The following ALCAM variants were observed in gnomAD, a reference collection of about 807,000 sequenced individuals.
ALCAM encodes CD166 antigen.
In ALCAM, 30 loss-of-function variants were observed where a neutral mutation model predicts 70.9. The ratio of observed to expected loss-of-function variants is 0.42; its 90% CI spans 0.32 to 0.57. The LOEUF (loss-of-function observed/expected upper bound fraction) is 0.57, where lower values mean the gene tolerates loss of function less well. Ranked by LOEUF, ALCAM falls within the 20% of genes least tolerant of loss-of-function variation. The probability of loss-of-function intolerance (pLI) is 0.11; values close to 1 mark genes in which losing one functional copy is unlikely to be tolerated. For synonymous variants in ALCAM, 249 were observed against 242.5 expected, an observed-to-expected ratio of 1.03 and a Z score of -0.25; for missense variants, 591 against 695.1, an observed-to-expected ratio of 0.85 and a Z score of 1.68.
At chr3:105,374,716 C>A (rs1935334333) in intron 1 of ALCAM, among the ~76,000 whole-genome samples, 1 of 152,026 alleles carries the variant, frequency 6.6e-6, no homozygotes, top group Non-Finnish European at 1.5e-5. Context: ...CTGGGTTTCA[C>A]CATGTTGGCC....
At chr3:105,526,297 A>C (rs1939704354) in intron 3 of ALCAM, among the ~76,000 whole-genome samples, 1 of 152,168 alleles carries the variant, frequency 6.6e-6, no homozygotes, top group South Asian at 2.1e-4. Context: ...AAAAAAAAAA[A>C]AAAAACATTA....
intron 1 of ALCAM, among the ~76,000 whole-genome samples, chr3:105,413,170 G>T (rs1936429512): frequency 6.6e-6 from 1 of 152,072 alleles, no homozygotes; most frequent in South Asian, 2.1e-4. Flanking sequence ...ACTGTAAAAT[G>T]TGAATAATGA....
rs142076302 is a variant in ALCAM, at chr3:105,369,219, GT to G, written c.73+1741del. ...CACCCCTGACACAGGCACATAACCA[GT>G]TTCCTTTTCGGTGCCGTCACAGGCG... On this transcript the variant is annotated intron_variant, in intron 1 of 15. Coordinates refer to ENST00000306107, the MANE Select transcript of ALCAM (RefSeq NM_001627.4). Among the ~76,000 whole-genome samples the G allele has an allele frequency of 1.7e-3, 256 of 152,280 alleles. 1 individual carries two copies. The highest frequency in any genetic ancestry group is 6.0e-3 in the African/African-American group (250 of 41,558).
chr3:105,566,068 T>A (rs1032956344), intron 14 of ALCAM, among the ~76,000 whole-genome samples: 1 of 152,224 alleles, frequency 6.6e-6, no homozygotes, highest in African/African-American at 2.4e-5. Flanking sequence ...TTGCTACCTG[T>A]TGTCCAATGA....
intron 1 of ALCAM, among the ~76,000 whole-genome samples, chr3:105,462,094 A>T (rs1381794695): frequency 6.6e-6 from 1 of 151,708 alleles, no homozygotes; most frequent in Non-Finnish European, 1.5e-5. Context: ...TCTAGAAGCA[A>T]ATGAGTATTA....
intron 2 of ALCAM, among the ~76,000 whole-genome samples, 198 bp from the exon 3 acceptor site, chr3:105,524,090 AT>A (rs1431459620): frequency 1.3e-5 from 2 of 151,984 alleles, no homozygotes; most frequent in South Asian, 2.1e-4. Context: ...CTACCCTTTC[AT>A]TTTTACTCAT....
At chr3:105,559,411 G>A (rs1428045746) in intron 14 of ALCAM, among the ~76,000 whole-genome samples, 1 of 151,504 alleles carries the variant, frequency 6.6e-6, no homozygotes, top group African/African-American at 2.4e-5. Flanking sequence ...CTGGAGACTG[G>A]GAATTTCAAG....
rs1940953663 is a variant in ALCAM, at chr3:105,575,914, G to T, written c.*1463G>T. The T allele has an allele frequency of 6.6e-6, 1 of 152,026 alleles. No individual in the cohort carries two copies. Among genetic ancestry groups the T allele is most frequent in the Non-Finnish European group, 1.5e-5 (1 of 67,982 alleles). The allele number at this position is 152,026 out of a possible 1,614,324, so 9.4% of individuals were successfully genotyped here. A position where few individuals can be genotyped will look rare whatever the true frequency, so the allele number is the denominator to read the frequency against. On this transcript the variant is annotated 3_prime_UTR_variant, in exon 16 of 16. Coordinates refer to ENST00000306107, the MANE Select transcript of ALCAM (RefSeq NM_001627.4). ...TGAAATAAAAAATTATGAAGGCAAT[G>T]AAAAATAAATTGAAAATTAAAGTCA...
intron 1 of ALCAM, among the ~76,000 whole-genome samples, chr3:105,494,527 G>A (rs762547357): frequency 6.6e-6 from 1 of 150,984 alleles, no homozygotes; most frequent in African/African-American, 2.4e-5. Flanking sequence ...GGAAAACAAA[G>A]TTGCTCCCTC....
rs1192787511 is a variant in ALCAM at position 105,456,341 on chromosome 3, C to G, written c.74-63726C>G. 3.9e-5 allele frequency among the ~76,000 whole-genome samples: 6 copies of G among 152,262 alleles called. No individual in the cohort carries two copies. In the South Asian group the frequency reaches 8.3e-4, roughly 21 times the overall value. ...CAGTTGCGGACTAAGCTCCACTGTC[C>G]TGCATCAGAATGGCTTCAAAAGTTA... On this transcript the variant is annotated intron_variant, in intron 1 of 15. Coordinates refer to ENST00000306107, the MANE Select transcript of ALCAM (RefSeq NM_001627.4).
intron 1 of ALCAM, among the ~76,000 whole-genome samples, chr3:105,395,986 T>A (rs978343290): frequency 6.6e-6 from 1 of 151,958 alleles, no homozygotes. Context: ...GGGTCAGGTG[T>A]CCATTTAGGA....
At position 105,372,278 on chromosome 3, in the gene ALCAM, A is replaced by G. The variant is rs191956692; in HGVS notation, c.73+4797A>G. Among the ~76,000 whole-genome samples, 296 of 152,206 alleles carry G rather than the reference A, an allele frequency of 1.9e-3. 2 individuals are homozygous for G. The highest frequency in any genetic ancestry group is 6.8e-3 in the African/African-American group (281 of 41,560). ...ATAGTGTCCCTATAGTACGTAAGTC[A>G]TTACCATATTTTTGGAGTTACTGAT... On this transcript the variant is annotated intron_variant, in intron 1 of 15. Coordinates refer to ENST00000306107, the MANE Select transcript of ALCAM (RefSeq NM_001627.4).
chr3:105,509,546 T>G (rs1281160055), intron 1 of ALCAM, among the ~76,000 whole-genome samples: 3 of 152,134 alleles, frequency 2.0e-5, no homozygotes, highest in African/African-American at 7.2e-5. Flanking sequence ...TGTGCCTGTT[T>G]TTTTTATCTG....
chr3:105,562,655 G>T (rs1408235339), intron 14 of ALCAM, among the ~76,000 whole-genome samples: 1 of 152,004 alleles, frequency 6.6e-6, no homozygotes, highest in African/African-American at 2.4e-5. Context: ...CTTATAAAAT[G>T]GATCAATAAA....
At chr3:105,501,801 T>C (rs1938928777) in intron 1 of ALCAM, among the ~76,000 whole-genome samples, 1 of 152,154 alleles carries the variant, frequency 6.6e-6, no homozygotes, top group African/African-American at 2.4e-5. Flanking sequence ...GAGAGTAGTA[T>C]TGGAAAGATA....
At chr3:105,536,518 T>A (rs971484453) in intron 6 of ALCAM, among the ~76,000 whole-genome samples, 7 of 152,272 alleles carry the variant, frequency 4.6e-5, no homozygotes, top group African/African-American at 1.4e-4. Context: ...TCAGAAAGAA[T>A]AGAAATATCT....
chr3:105,573,194 G>T (rs13076733), intron 15 of ALCAM, among the ~76,000 whole-genome samples: 1 of 152,080 alleles, frequency 6.6e-6, no homozygotes. Context: ...AGTCCTGGTG[G>T]CAAGCACCGA....
At chr3:105,572,107 C>T in intron 15 of ALCAM, 143 bp downstream of exon 15, 1 of 554,446 alleles carries the variant, frequency 1.8e-6, no homozygotes, top group South Asian at 3.0e-5. Flanking sequence ...TTTTATTATG[C>T]TTTAAGTTCT....
At chr3:105,455,719 C>A (rs951577019) in intron 1 of ALCAM, among the ~76,000 whole-genome samples, 2 of 152,202 alleles carry the variant, frequency 1.3e-5, no homozygotes, top group Admixed American at 6.5e-5. Context: ...GAGCGACCAC[C>A]GCCTTTCCAG....
Sources: allele counts gnomAD v4.1 joint callset (sites outside exome capture counted in the v4.1 genomes callset), GRCh38; gene constraint gnomAD v4.1.1; transcripts MANE v1.5; gene names NCBI Gene and HGNC (gene_info 2026-07-23, HGNC 2026-07-21).